The following PARD3 variants were observed in gnomAD, a reference collection of about 807,000 sequenced individuals.
The protein encoded by PARD3 is par-3 family cell polarity regulator, also known as partitioning defective 3 homolog.
In PARD3, 75 loss-of-function variants were observed where a neutral mutation model predicts 155.4. The observed-to-expected ratio is 0.48, with a 90% CI of 0.40 to 0.58. The LOEUF (loss-of-function observed/expected upper bound fraction) is 0.58. Ranked by LOEUF, PARD3 falls within the 20% of genes least tolerant of loss-of-function variation. The probability of loss-of-function intolerance (pLI) is 0.00; values close to 1 mark genes in which losing one functional copy is unlikely to be tolerated. For synonymous variants in PARD3, 576 were observed against 610.5 expected, an observed-to-expected ratio of 0.94 and a Z score of 0.83; for missense variants, 1,642 against 1,721.7, an observed-to-expected ratio of 0.95 and a Z score of 0.82.
intron 2 of PARD3, among the ~76,000 whole-genome samples, chr10:34,537,286 C>G (rs534662101): frequency 9.8e-5 from 15 of 152,338 alleles, no homozygotes; most frequent in Middle Eastern, 3.4e-3. Context: ...TGAGCCACCA[C>G]GTCTGGCCCG....
At chr10:34,533,446 T>C (rs2082997844) in intron 2 of PARD3, among the ~76,000 whole-genome samples, 1 of 152,136 alleles carries the variant, frequency 6.6e-6, no homozygotes, top group African/African-American at 2.4e-5. Context: ...GAAAATATTT[T>C]TTTAAAAAAG....
intron 3 of PARD3, among the ~76,000 whole-genome samples, chr10:34,473,533 A>G (rs577269283): frequency 6.6e-6 from 1 of 151,402 alleles, no homozygotes; most frequent in Non-Finnish European, 1.5e-5. Flanking sequence ...CAAAAAATAA[A>G]AAAAAAAAAA....
chr10:34,334,032 T>C (rs186509406), intron 18 of PARD3, among the ~76,000 whole-genome samples: 21 of 151,974 alleles, frequency 1.4e-4, no homozygotes, highest in Admixed American at 6.6e-4. Flanking sequence ...ATAAAATATA[T>C]GGAAAAGATT....
intron 2 of PARD3, among the ~76,000 whole-genome samples, chr10:34,657,601 C>T (rs1261437460): frequency 6.6e-6 from 1 of 152,056 alleles, no homozygotes. Flanking sequence ...TACAGTGGCA[C>T]GATCTTGGCT....
intron 7 of PARD3, among the ~76,000 whole-genome samples, chr10:34,384,795 G>A (rs1842184766): frequency 6.6e-6 from 1 of 152,194 alleles, no homozygotes; most frequent in South Asian, 2.1e-4. Context: ...ATAGTGCTTA[G>A]TATTGTGAAT....
At chr10:34,591,168 T>G (rs991441009) in intron 2 of PARD3, among the ~76,000 whole-genome samples, 2 of 151,786 alleles carry the variant, frequency 1.3e-5, no homozygotes, top group Non-Finnish European at 1.5e-5. Context: ...CCACTCCACA[T>G]CGTTCATCCA....
intron 2 of PARD3, among the ~76,000 whole-genome samples, chr10:34,573,385 AT>A (rs763895798): frequency 6.6e-6 from 1 of 151,786 alleles, no homozygotes; most frequent in African/African-American, 2.4e-5. Context: ...TCAAGAATGT[AT>A]TACAGTCTTC....
At chr10:34,546,195 TC>T (rs2084036333) in intron 2 of PARD3, among the ~76,000 whole-genome samples, 2 of 152,250 alleles carry the variant, frequency 1.3e-5, no homozygotes, top group East Asian at 1.9e-4. Context: ...AAGTTAACAC[TC>T]TTTTTTTTGA....
chr10:34,146,973 A>G (rs1948540739), intron 22 of PARD3, among the ~76,000 whole-genome samples: 1 of 152,232 alleles, frequency 6.6e-6, no homozygotes. Context: ...CCGAGTGGTA[A>G]GCTGATTAGC....
chr10:34,739,130 A>T (rs1034813957), intron 1 of PARD3, among the ~76,000 whole-genome samples: 6 of 152,218 alleles, frequency 3.9e-5, no homozygotes, highest in African/African-American at 1.4e-4. Flanking sequence ...GAAGTTGACA[A>T]CTAAATGCAA....
chr10:34,606,587 G>C (rs553786908), intron 2 of PARD3, among the ~76,000 whole-genome samples: 2 of 145,060 alleles, frequency 1.4e-5, no homozygotes, highest in Non-Finnish European at 3.0e-5. Context: ...GATCACTTGA[G>C]GCCAGGAGTT....
At chr10:34,386,089 G>A (rs969318317) in intron 7 of PARD3, among the ~76,000 whole-genome samples, 1 of 152,088 alleles carries the variant, frequency 6.6e-6, no homozygotes, top group African/African-American at 2.4e-5. Context: ...TACGATATTA[G>A]TAAGGTCAAC....
chr10:34,386,977 T>A (rs1256491576), intron 7 of PARD3, among the ~76,000 whole-genome samples: 2 of 152,146 alleles, frequency 1.3e-5, no homozygotes, highest in Non-Finnish European at 1.5e-5. Flanking sequence ...AAGGAAACGA[T>A]GTCTCAGTCA....
intron 1 of PARD3, among the ~76,000 whole-genome samples, chr10:34,725,409 C>T (rs1474767387): frequency 6.6e-6 from 1 of 152,136 alleles, no homozygotes; most frequent in African/African-American, 2.4e-5. Context: ...CCTGTCTCGG[C>T]CTCCCAAAGT....
chr10:34,490,888 A>C (rs1448772754), intron 3 of PARD3, among the ~76,000 whole-genome samples: 1 of 152,200 alleles, frequency 6.6e-6, no homozygotes, highest in Admixed American at 6.5e-5. Flanking sequence ...CCCATCAGAA[A>C]TACTGAAAAT....
intron 23 of PARD3, among the ~76,000 whole-genome samples, chr10:34,129,342 G>C (rs980540724): frequency 6.6e-6 from 1 of 151,780 alleles, no homozygotes; most frequent in African/African-American, 2.4e-5. Flanking sequence ...TAGTAGAGAT[G>C]GGGTTTCATC....
intron 2 of PARD3, among the ~76,000 whole-genome samples, chr10:34,518,654 G>A (rs7922828): frequency 0.016 from 2,414 of 152,268 alleles, 66 homozygotes; most frequent in African/African-American, 0.055. Flanking sequence ...ATAAATGGTA[G>A]AGAATAAACA....
chr10:34,608,534 CTTT>C (rs71299715), intron 2 of PARD3, among the ~76,000 whole-genome samples: 11 of 125,382 alleles, frequency 8.8e-5, no homozygotes, highest in South Asian at 2.6e-4. Context: ...AAAAAGAATA[CTTT>C]TTTTTTTTTT....
At chr10:34,759,198 A>G (rs1029309019) in intron 1 of PARD3, among the ~76,000 whole-genome samples, 1 of 151,866 alleles carries the variant, frequency 6.6e-6, no homozygotes, top group Non-Finnish European at 1.5e-5. Context: ...TTTTTTTCTA[A>G]TAGGAACCAA....
Sources: gnomAD v4.1 joint callset for allele counts (sites outside exome capture counted in the v4.1 genomes callset) on GRCh38, gnomAD v4.1.1 for gene constraint, MANE v1.5 for transcripts, NCBI Gene and HGNC (gene_info 2026-07-23, HGNC 2026-07-21) for gene names.